The following GALK2 variants were observed in gnomAD, a reference collection of about 807,000 sequenced individuals.
The protein encoded by GALK2 is galactokinase 2.
A neutral mutation model predicts 52.4 loss-of-function variants in GALK2; 36 were observed. That is an observed-to-expected ratio of 0.69 (90% CI 0.53 to 0.91). GALK2 has a LOEUF of 0.91. Among genes scored for constraint, GALK2 ranks in the 40% least tolerant of loss-of-function variants. The pLI, the probability that GALK2 is intolerant of heterozygous loss-of-function variation, is 0.00. For synonymous variants in GALK2, 176 were observed against 199.1 expected, an observed-to-expected ratio of 0.88 and a Z score of 0.98; for missense variants, 579 against 559.1, an observed-to-expected ratio of 1.04 and a Z score of -0.36.
At chr15:49,292,288 T>G in intron 7 of GALK2, 39 bp from the exon 8 acceptor site, 6 of 1,562,502 alleles carry the variant, frequency 3.8e-6, no homozygotes, top group Non-Finnish European at 5.3e-6. Context: ...CATCAAATTC[T>G]GAATCAAAAC....
intron 8 of GALK2, among the ~76,000 whole-genome samples, chr15:49,310,031 G>T (rs929853911): frequency 2.6e-5 from 4 of 151,954 alleles, no homozygotes; most frequent in African/African-American, 9.7e-5. Flanking sequence ...CTTCCTACTT[G>T]CCTTCCCCCA....
chr15:49,228,730 G>T (rs1467703337), intron 3 of GALK2, among the ~76,000 whole-genome samples: 1 of 71,468 alleles, frequency 1.4e-5, no homozygotes, highest in Non-Finnish European at 2.5e-5. Context: ...GTCTCAATCT[G>T]TTGCCCAGGC....
chr15:49,201,293 T>G (rs1040488166), intron 2 of GALK2, 43 bp downstream of exon 2: 1 of 1,047,978 alleles, frequency 9.5e-7, no homozygotes, highest in African/African-American at 1.6e-5. Context: ...CTTCATCCTT[T>G]GATAAGATCT....
intron 1 of GALK2, among the ~76,000 whole-genome samples, chr15:49,163,149 T>G (rs186198094): frequency 3.8e-4 from 58 of 152,332 alleles, no homozygotes; most frequent in Admixed American, 2.0e-4. Context: ...TTGCCAACAT[T>G]TAGTGTGGTC....
At chr15:49,164,111 C>T (rs2084740110) in intron 1 of GALK2, among the ~76,000 whole-genome samples, 2 of 152,100 alleles carry the variant, frequency 1.3e-5, no homozygotes, top group African/African-American at 4.8e-5. Context: ...TTAAGGGAAT[C>T]AACAACTACT....
rs1006996296 is a variant in GALK2 at position 49,267,187 on chromosome 15, G to A, written c.505-14800G>A. Among the ~76,000 whole-genome samples the A allele has an allele frequency of 2.6e-5, 4 of 152,312 alleles. No homozygotes were observed. The South Asian group carries it at 8.3e-4, about 32-fold the overall frequency. On this transcript the variant is annotated intron_variant, in intron 5 of 9. Coordinates refer to ENST00000560031, the MANE Select transcript of GALK2 (RefSeq NM_002044.4). ...CTCTGAATACAGCATGGCCAAATGG[G>A]AAGTTATAGCCAAGGAGCAGGGTAG...
In GALK2 at chr15:49,295,329, C is replaced by CTA. The variant is rs778452362; in HGVS notation, c.967+2794_967+2795dup. 3.9e-3 allele frequency among the ~76,000 whole-genome samples: 553 copies of CTA among 141,192 alleles called. 1 individual carries two copies. The highest frequency in any genetic ancestry group is 6.3e-3 in the Non-Finnish European group (418 of 66,686). 92.6% of individuals were successfully genotyped at this position (141,192 alleles called of 152,430 possible). A position where few individuals can be genotyped will look rare whatever the true frequency, so the allele number is the denominator to read the frequency against. ...CTCATTTCTCTCTCTCTCTCTCTCT[C>CTA]TATCTATATATATATATAGATAGAT... On this transcript the variant is annotated intron_variant, in intron 8 of 9. Transcript: ENST00000560031.
At position 49,359,485 on chromosome 15, in the gene GALK2, A is replaced by C. The variant is rs1216714477; in HGVS notation, c.427-8006A>C. Among the ~76,000 whole-genome samples, 2 of 119,574 alleles carry C rather than the reference A, an allele frequency of 1.7e-5. 1 individual carries two copies. The allele number at this position is 119,574 out of a possible 152,430, so 78.4% of individuals were successfully genotyped here. Reference sequence around the variant, plus strand: ...TTTATGCAGCCAAAAAACACATGAAAAAATGCTCATCATCACTGGCCGTCA... The same window carrying C: ...TTTATGCAGCCAAAAAACACATGAACAAATGCTCATCATCACTGGCCGTCA... On this transcript the variant is annotated intron_variant, in intron 3 of 3. Transcript: ENST00000558399.
At chr15:49,337,447 GC>G (rs2039918506) in intron 3 of GALK2, among the ~76,000 whole-genome samples, 1 of 128,654 alleles carries the variant, frequency 7.8e-6, no homozygotes, top group Admixed American at 7.8e-5. Context: ...GACGAGTGAT[GC>G]TAAGCATTTT....
chr15:49,242,776 G>C (rs1001497399), intron 5 of GALK2, among the ~76,000 whole-genome samples: 1 of 152,132 alleles, frequency 6.6e-6, no homozygotes, highest in Middle Eastern at 3.2e-3. Flanking sequence ...TGTGGCAAAA[G>C]ATCTATGAAA....
At chr15:49,297,436 G>A in intron 8 of GALK2, among the ~76,000 whole-genome samples, 1 of 151,760 alleles carries the variant, frequency 6.6e-6, no homozygotes. Context: ...TTTAGTTTAT[G>A]TCTCACTTGT....
intron 3 of GALK2, among the ~76,000 whole-genome samples, chr15:49,342,884 T>C (rs1186312866): frequency 6.6e-6 from 1 of 152,214 alleles, no homozygotes; most frequent in Non-Finnish European, 1.5e-5. Context: ...AGGTTTTTGC[T>C]GAGAAGTCTG....
rs546631564 is a variant in GALK2, at chr15:49,259,324, G to A, written c.504+19957G>A. Among the ~76,000 whole-genome samples, 139 of 150,308 alleles carry A rather than the reference G, an allele frequency of 9.2e-4. 1 individual carries two copies. In the East Asian group the frequency reaches 0.024, roughly 26 times the overall value. ...TTTAGCATTAGGTATATCTCCTAAA[G>A]CTATCCATCCCCCCTCCCCCCACCC... On this transcript the variant is annotated intron_variant, in intron 5 of 9. Coordinates refer to ENST00000560031, the MANE Select transcript of GALK2 (RefSeq NM_002044.4).
rs1413989976 is a variant in GALK2 at position 49,320,783 on chromosome 15, GTTTCAT to G, written c.1169+982_1169+987del. Among the ~76,000 whole-genome samples, 8 of 152,302 alleles carry G rather than the reference GTTTCAT, an allele frequency of 5.3e-5. 1 individual carries two copies. The highest frequency in any genetic ancestry group is 1.9e-4 in the African/African-American group (8 of 41,564). Reference sequence around the variant, plus strand: ...CATTTCCAAAAGCCTTCCCCAGCTTGTTTCATTTTAAGTACCCTTTTCTGAAAATAT... The same window carrying G: ...CATTTCCAAAAGCCTTCCCCAGCTTGTTTAAGTACCCTTTTCTGAAAATAT... On this transcript the variant is annotated intron_variant, in intron 9 of 9. Coordinates refer to ENST00000560031, the MANE Select transcript of GALK2 (RefSeq NM_002044.4).
intron 2 of GALK2, among the ~76,000 whole-genome samples, chr15:49,215,074 C>A (rs373793082): frequency 6.6e-6 from 1 of 152,280 alleles, no homozygotes; most frequent in South Asian, 2.1e-4. Context: ...AAGTTTCCTG[C>A]GGAGTTGTCT....
Position 49,355,258 on chromosome 15 carries a change from C to G in GALK2, c.427-12233C>G, listed in dbSNP as rs1025747052. ...GGATGGAGAATGACTTTGAAGAGCT[C>G]AGAGAAGAAGGCTTCAGACTATCAA... On this transcript the variant is annotated intron_variant, in intron 3 of 3. Coordinates refer to the GALK2 transcript ENST00000558399. 2.6e-5 allele frequency among the ~76,000 whole-genome samples: 4 copies of G among 152,188 alleles called. No homozygotes were observed. The East Asian group carries it at 7.7e-4, about 29-fold the overall frequency.
upstream of GALK2, among the ~76,000 whole-genome samples, chr15:49,165,888 C>T (rs1432732798): frequency 2.0e-5 from 3 of 151,342 alleles, no homozygotes; most frequent in South Asian, 2.1e-4. Context: ...CTGCAAGCTC[C>T]GCCTCCCAGG....
rs936459830 is a variant in GALK2 at position 49,330,516 on chromosome 15, A to G, written c.*2357A>G. The G allele has an allele frequency of 6.6e-6, 1 of 152,190 alleles. No individual in the cohort carries two copies. The highest frequency in any genetic ancestry group is 6.5e-5 in the Admixed American group (1 of 15,276). The allele number at this position is 152,190 out of a possible 1,614,324, so 9.4% of individuals were successfully genotyped here. On this transcript the variant is annotated 3_prime_UTR_variant, in exon 10 of 10. Coordinates refer to ENST00000560031, the MANE Select transcript of GALK2 (RefSeq NM_002044.4). ...TGTCCAACATTTCTACAGGGCATCAATGAACTAGGGCTGAGATAGTAGCTG... is the reference window on the plus strand; with the variant it reads ...TGTCCAACATTTCTACAGGGCATCAGTGAACTAGGGCTGAGATAGTAGCTG...
At chr15:49,262,376 C>T (rs1192954647) in intron 5 of GALK2, among the ~76,000 whole-genome samples, 1 of 152,132 alleles carries the variant, frequency 6.6e-6, no homozygotes, top group Non-Finnish European at 1.5e-5. Flanking sequence ...GTAGTATTCT[C>T]TGATGGTAGT....
Sources: gnomAD v4.1 joint callset for allele counts (sites outside exome capture counted in the v4.1 genomes callset) on GRCh38, gnomAD v4.1.1 for gene constraint, MANE v1.5 for transcripts, NCBI Gene and HGNC (gene_info 2026-07-23, HGNC 2026-07-21) for gene names.